Variants in DLX6 observed in about 807,000 individuals in gnomAD.
The protein encoded by DLX6 is distal-less homeobox 6.
In DLX6, 4 loss-of-function variants were observed where a neutral mutation model predicts 33.5. The observed-to-expected ratio is 0.12, with a 90% CI of 0.06 to 0.27. DLX6 has a LOEUF of 0.27. DLX6 is among the 10% of genes least tolerant of loss of function. DLX6 has a pLI of 1.00. For missense variants in DLX6, 382 were observed against 393.3 expected (o/e 0.97, Z 0.24); for synonymous variants, 184 against 164.8 (o/e 1.12, Z -0.89).
chr7:97,006,511 C>G, intron 1 of DLX6, 98 bp downstream of exon 1: 1 of 1,200,798 alleles, frequency 8.3e-7, no homozygotes, highest in Non-Finnish European at 1.0e-6. Flanking sequence ...TCCGCCGGCC[C>G]CCTCCCCCAG....
Position 97,006,231 on chromosome 7 carries a change from C to CGCACCACCACCACCACCACCA in DLX6, c.268_288dup (p.His90_His96dup). On this transcript the variant is annotated inframe_insertion, in exon 1 of 3. Transcript: ENST00000518156. Reference sequence around the variant, plus strand: ...GCGGCGGCGGCGGCAGCGGCCGGCTCGCACCACCACCACCACCACCAGCAC... The same window carrying CGCACCACCACCACCACCACCA: ...GCGGCGGCGGCGGCAGCGGCCGGCTCGCACCACCACCACCACCACCAGCACCACCACCACCACCACCAGCAC... 4 of 1,515,474 alleles carry CGCACCACCACCACCACCACCA rather than the reference C, an allele frequency of 2.6e-6. No homozygotes were observed. The highest frequency in any genetic ancestry group is 3.5e-6 in the Non-Finnish European group (4 of 1,128,690). The allele number at this position is 1,515,474 out of a possible 1,614,324, so 93.9% of individuals were successfully genotyped here.
intron 2 of DLX6, among the ~76,000 whole-genome samples, chr7:97,008,951 A>G (rs1193212972): frequency 6.6e-6 from 1 of 152,264 alleles, no homozygotes; most frequent in African/African-American, 2.4e-5. Flanking sequence ...AAGCTGCACC[A>G]TAAAATTTCC....
intron 2 of DLX6, among the ~76,000 whole-genome samples, chr7:97,008,213 TG>T (rs1461194416): frequency 6.6e-6 from 1 of 152,208 alleles, no homozygotes; most frequent in East Asian, 1.9e-4. Context: ...AGGATCCTTT[TG>T]TAGGCCCTGG....
rs201763801 is a variant in DLX6, at chr7:97,006,407, G to C, written c.430G>C (p.Asp144His). The C allele has an allele frequency of 2.0e-4, 273 of 1,385,314 alleles. 2 individuals carry two copies. The highest frequency in any genetic ancestry group is 3.3e-5 in the Non-Finnish European group (35 of 1,054,820). The allele number at this position is 1,385,314 out of a possible 1,614,324, so 85.8% of individuals were successfully genotyped here. A position where few individuals can be genotyped will look rare whatever the true frequency, so the allele number is the denominator to read the frequency against. The change falls in exon 1 of 3, where the codon GAC (aspartate) becomes CAC (histidine). Residue 144 changes from aspartate (D) to histidine (H), a missense_variant. Around this residue, in one of 4 missense-constraint regions of DLX6, gnomAD observed 257 missense variants for 206.9 expected, o/e 1.24. Transcript: ENST00000518156. ...CGCAGCCGCCCAGACGCGAGGGGAC[G>C]ACACAGGTGAGAGGCCGCTGGGGCA... ...SSAAAQTRGDDTDQQKTTVIE... is the reference protein window; with the variant it reads ...SSAAAQTRGDHTDQQKTTVIE...
At chr7:97,007,866 C>G in intron 2 of DLX6, 35 bp downstream of exon 2, 1 of 1,526,746 alleles carries the variant, frequency 6.5e-7, no homozygotes, top group Non-Finnish European at 8.8e-7. Flanking sequence ...CCCTGAAATG[C>G]TGGTACCGCT....
At position 97,010,148 on chromosome 7, in the gene DLX6, G is replaced by A. The variant is rs756020861; in HGVS notation, c.*101G>A. 5 of 1,405,502 alleles carry A rather than the reference G, an allele frequency of 3.6e-6. No homozygotes were observed. Among genetic ancestry groups the A allele is most frequent in the Non-Finnish European group, 4.7e-6 (5 of 1,053,014 alleles). 87.1% of individuals were successfully genotyped at this position (1,405,502 alleles called of 1,614,324 possible). On this transcript the variant is annotated 3_prime_UTR_variant, in exon 3 of 3. Transcript: ENST00000518156. ...AGGAGCCAAAGGAGCAGGCTTAGGAGAGCTCATAAGTGTGGCAAGAAGCCG... is the reference window on the plus strand; with the variant it reads ...AGGAGCCAAAGGAGCAGGCTTAGGAAAGCTCATAAGTGTGGCAAGAAGCCG...
rs777988396 is a variant in DLX6 at position 97,006,297 on chromosome 7, C to T, written c.320C>T (p.Ser107Phe). The part of the protein sequence containing the change: ...GSPYASGGGN[S>F]YNHRSLAAYP... ...CCCTACGCGTCGGGCGGAGGGAACT[C>T]CTACAACCACCGCTCGCTCGCCGCC... Residue 107 changes from serine (S) to phenylalanine (F), a missense_variant, in exon 1 of 3, where the codon TCC (serine) becomes TTC (phenylalanine). Physicochemically the swap from Ser to Phe is radical, Grantham distance 155. This residue lies in a region of DLX6 where 257 missense variants were observed against 206.9 expected (regional missense o/e 1.24). Transcript: ENST00000518156. 19 of 1,526,740 alleles carry T rather than the reference C, an allele frequency of 1.2e-5. No homozygotes were observed. The highest frequency in any genetic ancestry group is 1.6e-5 in the Non-Finnish European group (18 of 1,134,628). The allele number at this position is 1,526,740 out of a possible 1,614,324, so 94.6% of individuals were successfully genotyped here.
rs1043512895 is a variant in DLX6, at chr7:97,010,099, C to T, written c.*52C>T. ...ACGTCTGAACAAGGAAAAGAGGATC[C>T]GGGACCTGCTTGTATCTGCGAAAAG... On this transcript the variant is annotated 3_prime_UTR_variant, in exon 3 of 3. Transcript: ENST00000518156. 4.3e-5 allele frequency: 66 copies of T among 1,544,654 alleles called. No individual in the cohort carries two copies. The highest frequency in any genetic ancestry group is 5.9e-5 in the Admixed American group (3 of 50,764).
Position 97,005,622 on chromosome 7 carries a change from C to T in DLX6, c.-356C>T, listed in dbSNP as rs1217029017. ...ACTTTCGCAGAATCCACCTTAAAAT[C>T]TCTGCCTTAAACTGCACCAGCCCCC... On this transcript the variant is annotated 5_prime_UTR_variant, in exon 1 of 3. Coordinates refer to ENST00000518156, the MANE Select transcript of DLX6 (RefSeq NM_005222.4). The T allele has an allele frequency of 6.4e-6, 1 of 157,074 alleles. No homozygotes were observed. Among genetic ancestry groups the T allele is most frequent in the Non-Finnish European group, 1.4e-5 (1 of 71,382 alleles). The allele number at this position is 157,074 out of a possible 1,614,324, so 9.7% of individuals were successfully genotyped here. A position where few individuals can be genotyped will look rare whatever the true frequency, so the allele number is the denominator to read the frequency against.
At chr7:97,008,705 G>A (rs1204206769) in intron 2 of DLX6, among the ~76,000 whole-genome samples, 2 of 152,198 alleles carry the variant, frequency 1.3e-5, no homozygotes, top group East Asian at 3.9e-4. Flanking sequence ...CTCATCTGAT[G>A]TAGGTAATCT....
At chr7:97,007,481 C>G (rs1562791833) in intron 1 of DLX6, 157 bp from the exon 2 acceptor site, 1 of 716,646 alleles carries the variant, frequency 1.4e-6, no homozygotes, top group African/African-American at 1.8e-5. Context: ...TGGGAGCACA[C>G]GGGCAGAGTG....
In DLX6 at chr7:97,006,244, CCACCACCAG is replaced by C; in HGVS notation, c.276_284del (p.Gln92_His94del). On this transcript the variant is annotated inframe_deletion, in exon 1 of 3. Transcript: ENST00000518156. ...CAGCGGCCGGCTCGCACCACCACCA[CCACCACCAG>C]CACCACCACCACGGCTCGCCCTACG... is the stretch of plus-strand genomic sequence containing the variant. The C allele has an allele frequency of 2.0e-6, 3 of 1,521,992 alleles. No individual in the cohort carries two copies. In the South Asian group the frequency reaches 3.7e-5, roughly 19 times the overall value. 94.3% of individuals were successfully genotyped at this position (1,521,992 alleles called of 1,614,324 possible). A position where few individuals can be genotyped will look rare whatever the true frequency, so the allele number is the denominator to read the frequency against.
Position 97,010,172 on chromosome 7 carries a change from C to G in DLX6, c.*125C>G. On this transcript the variant is annotated 3_prime_UTR_variant, in exon 3 of 3. Coordinates refer to ENST00000518156, the MANE Select transcript of DLX6 (RefSeq NM_005222.4). ...AGAGCTCATAAGTGTGGCAAGAAGCCGACTAGGCTCATTCTCTCTCCCTCT... is the reference window on the plus strand; with the variant it reads ...AGAGCTCATAAGTGTGGCAAGAAGCGGACTAGGCTCATTCTCTCTCCCTCT... 8.8e-7 allele frequency: 1 copy of G among 1,141,398 alleles called. No individual in the cohort carries two copies. The highest frequency in any genetic ancestry group is 1.2e-6 in the Non-Finnish European group (1 of 828,358). The allele number at this position is 1,141,398 out of a possible 1,614,324, so 70.7% of individuals were successfully genotyped here. A position where few individuals can be genotyped will look rare whatever the true frequency, so the allele number is the denominator to read the frequency against.
chr7:97,007,365 G>T, intron 1 of DLX6: 1 of 598,140 alleles, frequency 1.7e-6, no homozygotes, highest in African/African-American at 1.9e-5. Flanking sequence ...CACCGCCTCC[G>T]CTGCGGCAAA....
intron 1 of DLX6, 162 bp from the exon 2 acceptor site, chr7:97,007,476 G>C (rs1475914323): frequency 2.8e-6 from 2 of 703,550 alleles, no homozygotes; most frequent in African/African-American, 3.5e-5. Flanking sequence ...GACGCTGGGA[G>C]CACACGGGCA....
At chr7:97,009,212 A>T (rs1789795475) in intron 2 of DLX6, among the ~76,000 whole-genome samples, 1 of 152,228 alleles carries the variant, frequency 6.6e-6, no homozygotes. Context: ...AATCTATGGC[A>T]TATGCAATAT....
Position 97,006,198 on chromosome 7 carries a change from T to C in DLX6, c.221T>C (p.Leu74Pro), listed in dbSNP as rs1238445147. The change falls in exon 1 of 3, where the codon CTG (leucine) becomes CCG (proline). Residue 74 changes from leucine to proline, a missense_variant. Transcript: ENST00000518156. Reference protein sequence around the residue: ...MAGAHYPLHCLHSAAAAAAAG... With the variant: ...MAGAHYPLHCPHSAAAAAAAG... ...GGCGCGCACTACCCTCTGCACTGCCTGCACTCGGCGGCGGCGGCGGCAGCG... is the reference window on the plus strand; with the variant it reads ...GGCGCGCACTACCCTCTGCACTGCCCGCACTCGGCGGCGGCGGCGGCAGCG... The C allele has an allele frequency of 6.0e-6, 9 of 1,512,128 alleles. No individual in the cohort carries two copies. Among genetic ancestry groups the C allele is most frequent in the African/African-American group, 1.4e-5 (1 of 70,064 alleles). The allele number at this position is 1,512,128 out of a possible 1,614,324, so 93.7% of individuals were successfully genotyped here. A position where few individuals can be genotyped will look rare whatever the true frequency, so the allele number is the denominator to read the frequency against.
chr7:97,006,488 C>A, intron 1 of DLX6, 75 bp downstream of exon 1: 1 of 1,233,762 alleles, frequency 8.1e-7, no homozygotes, highest in African/African-American at 1.6e-5. Flanking sequence ...CTCACTTCCT[C>A]GACGCCCGGG....
At chr7:97,009,556 A>G (rs1789802335) in intron 2 of DLX6, among the ~76,000 whole-genome samples, 1 of 152,178 alleles carries the variant, frequency 6.6e-6, no homozygotes, top group African/African-American at 2.4e-5. Flanking sequence ...CTAGCACGCA[A>G]TTCTAGAATT....
Sources: gnomAD v4.1 joint callset for allele counts (sites outside exome capture counted in the v4.1 genomes callset) on GRCh38, gnomAD v4.1.1 for gene constraint, gnomAD v4.1.1 regional missense constraint, MANE v1.5 for transcripts, NCBI Gene and HGNC (gene_info 2026-07-23, HGNC 2026-07-21) for gene names.